Variants in GAS2L2 observed in about 807,000 individuals in gnomAD.
GAS2L2 encodes GAS2-like protein 2.
Under a neutral mutation model 35.2 loss-of-function variants are expected in GAS2L2, and 21 were observed. The observed-to-expected ratio is 0.60, with a 90% CI of 0.42 to 0.86. GAS2L2 has a LOEUF of 0.86. Among genes scored for constraint, GAS2L2 ranks in the 40% least tolerant of loss-of-function variants. The pLI is 0.00. For synonymous variants in GAS2L2, 490 were observed against 473.2 expected (o/e 1.04, Z -0.46); for missense variants, 1,169 against 1,144.4 (o/e 1.02, Z -0.31).
Position 35,746,281 on chromosome 17 carries a change from T to C in GAS2L2, c.1216A>G (p.Arg406Gly). ...CCCCTGGGGAGTTCAGGGGGGTATC[T>C]CTCCTCCCTCTTTCCTGACGAGGTA... ...QCTSSGKREE[R>G]YPPELPRGRI... Residue 406 changes from arginine to glycine, a missense_variant, in exon 6 of 6, where the codon AGA becomes GGA. By Grantham distance (125) the Arg-to-Gly change is moderately radical. Around this residue, in one of 3 missense-constraint regions of GAS2L2, gnomAD observed 1,035 missense variants for 976.5 expected, o/e 1.06. Transcript: ENST00000604641. 1 of 1,437,514 alleles carries C rather than the reference T, an allele frequency of 7.0e-7. No individual in the cohort carries two copies. Among genetic ancestry groups the C allele is most frequent in the South Asian group, 1.9e-5 (1 of 52,570 alleles). The allele number at this position is 1,437,514 out of a possible 1,614,324, so 89.0% of individuals were successfully genotyped here.
Position 35,752,840 on chromosome 17 carries a change from G to A in GAS2L2, c.11C>T (p.Pro4Leu), listed in dbSNP as rs1376914298. The A allele has an allele frequency of 6.3e-7, 1 of 1,597,418 alleles. No homozygotes were observed. The highest frequency in any genetic ancestry group is 8.6e-7 in the Non-Finnish European group (1 of 1,168,752). Residue 4 changes from proline (P) to leucine (L), a missense_variant, in exon 1 of 6, where the codon CCT (proline) becomes CTT (leucine). This residue lies in a region of GAS2L2 where 127 missense variants were observed against 146.1 expected (regional missense o/e 0.87). Coordinates refer to ENST00000604641, the MANE Select transcript of GAS2L2 (RefSeq NM_139285.4). MSQ[P>L]AGGRRKPRTL... ...CCTGGGCTTCCTCCTGCCTCCCGCA[G>A]GCTGGGACATGGCTGGACCCCAGCA...
Position 35,747,259 on chromosome 17 carries a change from G to A in GAS2L2, c.842C>T (p.Pro281Leu), listed in dbSNP as rs782157761. 1.2e-6 allele frequency: 2 copies of A among 1,610,670 alleles called. No homozygotes were observed. Among genetic ancestry groups the A allele is most frequent in the East Asian group, 4.5e-5 (2 of 44,824 alleles). ...PCRCTSLSHK[P>L]GSFLKPPAPP... ...GGCCGGGGGCTTCAGGAAGCTGCCT[G>A]GCTTGTGTGCTACCAACAGTCCCCC... Residue 281 changes from proline (P) to leucine (L), a missense_variant, in exon 5 of 6, where the codon CCA becomes CTA. Coordinates refer to ENST00000604641, the MANE Select transcript of GAS2L2 (RefSeq NM_139285.4).
In GAS2L2 at chr17:35,752,800, A is replaced by T. The variant is rs373713287; in HGVS notation, c.51T>A (p.Pro17=). 1.9e-5 allele frequency: 30 copies of T among 1,612,780 alleles called. 1 individual carries two copies. Among genetic ancestry groups the T allele is most frequent in the Middle Eastern group, 1.6e-4 (1 of 6,070 alleles). The change falls in exon 1 of 6, where the codon CCT becomes CCA. Residue 17 remains proline, a synonymous_variant. Transcript: ENST00000604641. The stretch of plus-strand genomic sequence containing the variant: ...ACTTGAAAGGCCGGATACTGCACAC[A>T]GGCGGCCCTAGGGTCCTGGGCTTCC... ...GRRKPRTLGP[P]VCSIRPFKSS...
Position 35,749,161 on chromosome 17 carries a change from C to T in GAS2L2, c.684G>A (p.Val228=). The T allele has an allele frequency of 6.2e-7, 1 of 1,614,080 alleles. No individual in the cohort carries two copies. The highest frequency in any genetic ancestry group is 8.5e-7 in the Non-Finnish European group (1 of 1,179,988). ...CACCCACACGGTACTTCCCCTCAGA[C>T]ACTTTGACCATGGAGAACTGCACTG... ...TCPVQFSMVK[V]SEGKYRVGDS... The change falls in exon 3 of 6, where the codon GTG becomes GTA. Residue 228 remains valine, a synonymous_variant. Transcript: ENST00000604641.
chr17:35,749,275 G>T, intron 2 of GAS2L2, 58 bp from the exon 3 acceptor site: 1 of 1,140,586 alleles, frequency 8.8e-7, no homozygotes, highest in Non-Finnish European at 1.3e-6. Flanking sequence ...CAAAATGGGG[G>T]GCCTACCTGC....
rs1555598757 is a variant in GAS2L2 at position 35,745,447 on chromosome 17, C to T, written c.2050G>A (p.Ala684Thr). The change falls in exon 6 of 6, where the codon GCT becomes ACT. Residue 684 changes from alanine (A) to threonine (T), a missense_variant. By Grantham distance (58) the Ala-to-Thr change is moderately conservative. Coordinates refer to ENST00000604641, the MANE Select transcript of GAS2L2 (RefSeq NM_139285.4). The stretch of plus-strand genomic sequence containing the variant: ...AGGCTTCCCGGTCCTGGGGTAACAG[C>T]TGGCTTAGGGGAGCCAGTCGGGGCT... Reference protein sequence around the residue: ...KAAPTGSPKPAVTPGPGSLKG... With the variant: ...KAAPTGSPKPTVTPGPGSLKG... 1 of 1,580,098 alleles carries T rather than the reference C, an allele frequency of 6.3e-7. No individual in the cohort carries two copies. Among genetic ancestry groups the T allele is most frequent in the South Asian group, 1.2e-5 (1 of 85,740 alleles).
chr17:35,746,092 C>T lies in GAS2L2; in HGVS notation c.1405G>A (p.Gly469Ser). The T allele has an allele frequency of 6.6e-7, 1 of 1,517,368 alleles. No homozygotes were observed. Among genetic ancestry groups the T allele is most frequent in the Non-Finnish European group, 8.8e-7 (1 of 1,133,434 alleles). 94.0% of individuals were successfully genotyped at this position (1,517,368 alleles called of 1,614,324 possible). Residue 469 changes from glycine to serine, a missense_variant, in exon 6 of 6, where the codon GGC (glycine) becomes AGC (serine). Coordinates refer to ENST00000604641, the MANE Select transcript of GAS2L2 (RefSeq NM_139285.4). ...TCATCCCGGAGTGGCAGCCTGAGGC[C>T]CAGGCACTCGGCTGGGCCAAAGGAA... is the stretch of plus-strand genomic sequence containing the variant. ...PRSFGPAECLGLRLPLRDEAK... is the reference protein window; with the variant it reads ...PRSFGPAECLSLRLPLRDEAK...
In GAS2L2 at chr17:35,744,646, C is replaced by T. The variant is rs1221403420; in HGVS notation, c.*208G>A. The T allele has an allele frequency of 6.9e-6, 4 of 582,008 alleles. No individual in the cohort carries two copies. Among genetic ancestry groups the T allele is most frequent in the East Asian group, 2.8e-5 (1 of 35,802 alleles). 36.1% of individuals were successfully genotyped at this position (582,008 alleles called of 1,614,324 possible). On this transcript the variant is annotated 3_prime_UTR_variant, in exon 6 of 6. Transcript: ENST00000604641. ...TGAGATACAGGATGGTCCTACTGCC[C>T]CTGGCCTACCTCTGGAGTTGGAGTG...
chr17:35,747,569 G>A (rs1420998668), intron 4 of GAS2L2, among the ~76,000 whole-genome samples: 1 of 152,256 alleles, frequency 6.6e-6, no homozygotes, highest in South Asian at 2.1e-4. Context: ...AGTCACACTT[G>A]GTGCCAACAC....
At chr17:35,752,280 ATATT>A (rs782730870) in intron 1 of GAS2L2, among the ~76,000 whole-genome samples, 182 bp downstream of exon 1, 17 of 152,158 alleles carry the variant, frequency 1.1e-4, no homozygotes, top group African/African-American at 2.4e-4. Context: ...AATCATCAAT[ATATT>A]TATTTATTGA....
In GAS2L2 at chr17:35,750,146, G is replaced by A; in HGVS notation, c.558C>T (p.Pro186=). 1 of 1,609,154 alleles carries A rather than the reference G, an allele frequency of 6.2e-7. No individual in the cohort carries two copies. Among genetic ancestry groups the A allele is most frequent in the South Asian group, 1.1e-5 (1 of 90,814 alleles). The change falls in exon 2 of 6, where the codon CCC becomes CCT. Residue 186 remains proline, a synonymous_variant. Transcript: ENST00000604641. ...GCGCTGGCGGCGAGGGGTCGGGCGG[G>A]GGCAGGGCCAGCTCCCGCCGCACCT... ...EEEVRRELAL[P]PPDPSPPAPP...
Position 35,744,602 on chromosome 17 carries a change from C to A in GAS2L2, c.*252G>T. ...GGCCAGAGGCCAGGAGTGTGGTGAG[C>A]CGTTCTAGGGGAGAGTAATGAGATA... On this transcript the variant is annotated 3_prime_UTR_variant, in exon 6 of 6. Coordinates refer to ENST00000604641, the MANE Select transcript of GAS2L2 (RefSeq NM_139285.4). 2.2e-6 allele frequency: 1 copy of A among 453,056 alleles called. No individual in the cohort carries two copies. The allele number at this position is 453,056 out of a possible 1,614,324, so 28.1% of individuals were successfully genotyped here. A position where few individuals can be genotyped will look rare whatever the true frequency, so the allele number is the denominator to read the frequency against.
At position 35,747,952 on chromosome 17, in the gene GAS2L2, G is replaced by A. The variant is rs1555599270; in HGVS notation, c.736-7C>T. The A allele has an allele frequency of 6.2e-7, 1 of 1,611,566 alleles. No homozygotes were observed. Among genetic ancestry groups the A allele is most frequent in the Non-Finnish European group, 8.5e-7 (1 of 1,178,288 alleles). ...TCACATGGTTCCGGAGGATCTGAGGGGGCAAGGGTGAGGTTAAGGGCGGGG... is the reference window on the plus strand; with the variant it reads ...TCACATGGTTCCGGAGGATCTGAGGAGGCAAGGGTGAGGTTAAGGGCGGGG... On this transcript the variant is annotated splice_polypyrimidine_tract_variant and splice_region_variant and intron_variant, in intron 3 of 5. Transcript: ENST00000604641.
chr17:35,745,276 GT>G lies in GAS2L2; in HGVS notation c.2220del (p.Pro741LeufsTer15), dbSNP rs2085657476. ...STVSASPEAP[T>X]PSPLDPNSDK... ...TCAGAGTTGGGGTCCAAGGGCGAAG[GT>G]GTGGGGGCCTCCGGGCTGGCAGACA... On this transcript the variant is annotated frameshift_variant, in exon 6 of 6. Transcript: ENST00000604641. LOFTEE classifies it low-confidence loss of function (END_TRUNC). 3 of 1,611,428 alleles carry G rather than the reference GT, an allele frequency of 1.9e-6. No individual in the cohort carries two copies. Among genetic ancestry groups the G allele is most frequent in the South Asian group, 2.2e-5 (2 of 90,734 alleles).
intron 1 of GAS2L2, among the ~76,000 whole-genome samples, chr17:35,752,243 T>TG (rs1555599866): frequency 1.3e-5 from 2 of 152,208 alleles, no homozygotes. Context: ...ATATGCTTAT[T>TG]GAAGTAATCA....
At chr17:35,749,532 T>G (rs1359509251) in intron 2 of GAS2L2, among the ~76,000 whole-genome samples, 1 of 152,220 alleles carries the variant, frequency 6.6e-6, no homozygotes, top group Non-Finnish European at 1.5e-5. Context: ...GAAAACTGCC[T>G]GAGCTCCATT....
In GAS2L2 at chr17:35,744,848, T is replaced by C. The variant is rs782581276; in HGVS notation, c.*6A>G. On this transcript the variant is annotated 3_prime_UTR_variant, in exon 6 of 6. Transcript: ENST00000604641. ...GCTTCCCTCCTACCCAACACGCTCA[T>C]GTGCCTCAGACCCAGGACTCCTCCT... 5 of 1,568,728 alleles carry C rather than the reference T, an allele frequency of 3.2e-6. No homozygotes were observed. Among genetic ancestry groups the C allele is most frequent in the Non-Finnish European group, 4.3e-6 (5 of 1,155,188 alleles).
In GAS2L2 at chr17:35,745,988, G is replaced by A; in HGVS notation, c.1509C>T (p.Ile503=). ...GGCGAGCAGGGGGCAGCCGGATGGG[G>A]ATCTTGGTTAGGCCTTGGACAGGGG... ...SPTPVQGLTK[I]PIRLPPARPP... is the part of the protein sequence containing the mutation. The change falls in exon 6 of 6, where the codon ATC becomes ATT. Residue 503 remains isoleucine (I), a synonymous_variant. Coordinates refer to ENST00000604641, the MANE Select transcript of GAS2L2 (RefSeq NM_139285.4). The A allele has an allele frequency of 2.5e-6, 4 of 1,593,620 alleles. No homozygotes were observed. Among genetic ancestry groups the A allele is most frequent in the Non-Finnish European group, 3.4e-6 (4 of 1,168,110 alleles).
intron 1 of GAS2L2, among the ~76,000 whole-genome samples, chr17:35,751,552 C>T (rs1242055526): frequency 1.3e-5 from 2 of 151,856 alleles, no homozygotes; most frequent in African/African-American, 2.4e-5. Context: ...CCTGTAATCC[C>T]AGCTACTCAG....
Sources: allele counts gnomAD v4.1 joint callset (sites outside exome capture counted in the v4.1 genomes callset), GRCh38; gene constraint gnomAD v4.1.1; regional missense constraint gnomAD v4.1.1; transcripts MANE v1.5; gene names NCBI Gene and HGNC (gene_info 2026-07-23, HGNC 2026-07-21).